PRPSAP2: variants seen among roughly 807,000 people sequenced by gnomAD.
PRPSAP2 encodes the protein phosphoribosyl pyrophosphate synthetase associated protein 2, also known as phosphoribosyl pyrophosphate synthase-associated protein 2.
Under a neutral mutation model 40.6 loss-of-function variants are expected in PRPSAP2, and 24 were observed. That is an observed-to-expected ratio of 0.59 (90% CI 0.43 to 0.83). PRPSAP2 has a LOEUF of 0.83. Ranked by LOEUF, PRPSAP2 falls within the 40% of genes least tolerant of loss-of-function variation. The probability of loss-of-function intolerance (pLI) is 0.00; values close to 1 mark genes in which losing one functional copy is unlikely to be tolerated. For synonymous variants in PRPSAP2, 149 were observed against 164.7 expected, an observed-to-expected ratio of 0.90 and a Z score of 0.73; for missense variants, 292 against 465.6, an observed-to-expected ratio of 0.63 and a Z score of 3.43.
At chr17:18,927,960 T>A (rs964141118) in intron 10 of PRPSAP2, among the ~76,000 whole-genome samples, 5 of 152,046 alleles carry the variant, frequency 3.3e-5, no homozygotes, top group Non-Finnish European at 7.4e-5. Context: ...TGCTTTTCTG[T>A]TTTTGTAGAG....
intron 8 of PRPSAP2, among the ~76,000 whole-genome samples, chr17:18,898,465 A>G (rs1038000638): frequency 3.9e-5 from 6 of 152,160 alleles, no homozygotes; most frequent in African/African-American, 1.4e-4. Context: ...TTTAAATAAT[A>G]GTTCTGTTGG....
chr17:18,911,142 A>G lies in PRPSAP2; in HGVS notation c.624A>G (p.Ala208=). The change falls in exon 9 of 12, where the codon GCA becomes GCG. Residue 208 remains alanine, a synonymous_variant. Coordinates refer to ENST00000268835, the MANE Select transcript of PRPSAP2 (RefSeq NM_002767.4). This position sits in a 1 kb window ranked among gnomAD's most constrained non-coding sequence, Gnocchi z 4.5. ...SFAERLRLGI[A]VIHGEAQDAE... is the part of the protein sequence containing the mutation. ...CTGAGCGCCTGCGCCTGGGAATTGC[A>G]GTGATTCATGGAGAGGCGCAGGATG... 2 of 1,613,536 alleles carry G rather than the reference A, an allele frequency of 1.2e-6. No homozygotes were observed. Among genetic ancestry groups the G allele is most frequent in the South Asian group, 1.1e-5 (1 of 91,030 alleles).
intron 9 of PRPSAP2, among the ~76,000 whole-genome samples, chr17:18,916,018 C>T (rs530681008): frequency 7.2e-5 from 11 of 152,150 alleles, no homozygotes; most frequent in East Asian, 1.9e-4. Context: ...TGGGGTTTCA[C>T]CTTGTTGCCC....
At chr17:18,890,468 C>G (rs1221963971) in intron 8 of PRPSAP2, among the ~76,000 whole-genome samples, 2 of 152,210 alleles carry the variant, frequency 1.3e-5, no homozygotes, top group Admixed American at 1.3e-4. Context: ...CCACACTGGG[C>G]CTTATTTTTA....
At chr17:18,906,244 C>T (rs1267048531) in intron 8 of PRPSAP2, among the ~76,000 whole-genome samples, 1 of 152,004 alleles carries the variant, frequency 6.6e-6, no homozygotes, top group Non-Finnish European at 1.5e-5. Context: ...GAGACAGGGT[C>T]TTTCTCTGTT....
chr17:18,874,424 C>T (rs560122450), intron 5 of PRPSAP2, among the ~76,000 whole-genome samples: 8 of 152,270 alleles, frequency 5.3e-5, no homozygotes, highest in African/African-American at 1.2e-4. Flanking sequence ...AAGGCCATTT[C>T]GGGAGACTTT....
chr17:18,868,747 A>G (rs2037618371), intron 4 of PRPSAP2, among the ~76,000 whole-genome samples: 2 of 147,600 alleles, frequency 1.4e-5, no homozygotes, highest in African/African-American at 5.0e-5. Flanking sequence ...TGGTAGAACA[A>G]GGGTCTCATT....
intron 8 of PRPSAP2, among the ~76,000 whole-genome samples, chr17:18,900,794 G>A (rs1597667755): frequency 1.3e-5 from 2 of 152,292 alleles, no homozygotes; most frequent in Middle Eastern, 3.4e-3. Flanking sequence ...CCAAGGAAAA[G>A]TAGCATCATT....
At chr17:18,910,993 C>T in intron 8 of PRPSAP2, 110 bp from the exon 9 acceptor site, 11 of 1,287,934 alleles carry the variant, frequency 8.5e-6, no homozygotes, top group Non-Finnish European at 1.1e-5. Flanking sequence ...TTTCTTTAGT[C>T]CTTTGGGAGA....
intron 8 of PRPSAP2, among the ~76,000 whole-genome samples, chr17:18,900,012 G>A (rs766271199): frequency 1.3e-5 from 2 of 152,080 alleles, no homozygotes; most frequent in Non-Finnish European, 2.9e-5. Flanking sequence ...TCAGCCTCCT[G>A]AGGAGCTGGG....
At chr17:18,871,790 A>G (rs926707195) in intron 4 of PRPSAP2, among the ~76,000 whole-genome samples, 1 of 151,538 alleles carries the variant, frequency 6.6e-6, no homozygotes, top group African/African-American at 2.4e-5. Flanking sequence ...CCTCCCGAGT[A>G]GCTAGGATTA....
Position 18,914,249 on chromosome 17 carries a change from CTTTTTTTTTTTTT to C in PRPSAP2, c.733+3012_733+3024del, listed in dbSNP as rs60892883. 1.0e-3 allele frequency among the ~76,000 whole-genome samples: 50 copies of C among 48,108 alleles called. 3 individuals are homozygous for C. The South Asian group carries it at 0.053, about 51-fold the overall frequency. 31.6% of individuals were successfully genotyped at this position (48,108 alleles called of 152,430 possible). A position where few individuals can be genotyped will look rare whatever the true frequency, so the allele number is the denominator to read the frequency against. ...GAGTTCTGTCCTGAACATGTTTTTGCTTTTTTTTTTTTTTTTTTTTTTTTTTGAGACAGAGTCT... is the reference window on the plus strand; with the variant it reads ...GAGTTCTGTCCTGAACATGTTTTTGCTTTTTTTTTTTTTGAGACAGAGTCT... On this transcript the variant is annotated intron_variant, in intron 9 of 11. Coordinates refer to ENST00000268835, the MANE Select transcript of PRPSAP2 (RefSeq NM_002767.4).
chr17:18,901,636 A>G (rs1238913061), intron 8 of PRPSAP2, among the ~76,000 whole-genome samples: 1 of 152,162 alleles, frequency 6.6e-6, no homozygotes, highest in African/African-American at 2.4e-5. Flanking sequence ...TCAGCCTCCC[A>G]GAGTGCTAGG....
chr17:18,894,607 A>G (rs1460875865), intron 8 of PRPSAP2, among the ~76,000 whole-genome samples: 1 of 150,036 alleles, frequency 6.7e-6, no homozygotes, highest in Non-Finnish European at 1.5e-5. Flanking sequence ...CCTCCTGAGT[A>G]GCTGGGATTG....
chr17:18,923,342 G>A (rs2041804087), intron 9 of PRPSAP2, among the ~76,000 whole-genome samples: 1 of 147,414 alleles, frequency 6.8e-6, no homozygotes, highest in Admixed American at 7.1e-5. Flanking sequence ...TCCTGACCTC[G>A]TGATCCGCCC....
At chr17:18,914,889 T>C (rs2151958681) in intron 9 of PRPSAP2, among the ~76,000 whole-genome samples, 1 of 152,054 alleles carries the variant, frequency 6.6e-6, no homozygotes, top group African/African-American at 2.4e-5. Flanking sequence ...CACACCTGGC[T>C]CATTTTTGTA....
chr17:18,888,803 C>G (rs2039347896), intron 7 of PRPSAP2, among the ~76,000 whole-genome samples: 1 of 144,686 alleles, frequency 6.9e-6, no homozygotes, highest in South Asian at 2.2e-4. Flanking sequence ...GGCAGAGGGG[C>G]TCCTCACTTC....
Position 18,930,639 on chromosome 17 carries a change from C to G in PRPSAP2, c.1051C>G (p.Arg351Gly), listed in dbSNP as rs146759564. Residue 351 changes from arginine to glycine, a missense_variant, in exon 12 of 12, where the codon CGG becomes GGG. Arg to Gly is a moderately radical substitution (Grantham distance 125). Around this residue, in one of 2 missense-constraint regions of PRPSAP2, gnomAD observed 241 missense variants for 425.7 expected, o/e 0.57. Transcript: ENST00000268835. ...ISMILSEAIR[R>G]IHNGESMSYL... ...CATGATCCTTTCAGAGGCGATCCGT[C>G]GGATCCACAATGGGGAGTCCATGTC... 6.2e-6 allele frequency: 10 copies of G among 1,613,844 alleles called. No homozygotes were observed. Among genetic ancestry groups the G allele is most frequent in the Non-Finnish European group, 8.5e-6 (10 of 1,179,802 alleles).
At chr17:18,874,893 C>T (rs779825175) in intron 5 of PRPSAP2, among the ~76,000 whole-genome samples, 2 of 152,116 alleles carry the variant, frequency 1.3e-5, no homozygotes, top group Non-Finnish European at 2.9e-5. Context: ...ACTTTTATGT[C>T]CTTACAGACA....
Sources: gnomAD v4.1 joint callset for allele counts (sites outside exome capture counted in the v4.1 genomes callset) on GRCh38, gnomAD v4.1.1 for gene constraint, gnomAD v4.1.1 regional missense constraint, Gnocchi (gnomAD v3.1) non-coding constraint, MANE v1.5 for transcripts, NCBI Gene and HGNC (gene_info 2026-07-23, HGNC 2026-07-21) for gene names.